The following KIAA1958 variants were observed in gnomAD, a reference collection of about 807,000 sequenced individuals.
KIAA1958 encodes the protein uncharacterized protein KIAA1958.
Under a neutral mutation model 47.2 loss-of-function variants are expected in KIAA1958, and 14 were observed. The ratio of observed to expected loss-of-function variants is 0.30; its 90% CI spans 0.20 to 0.46. KIAA1958 has a LOEUF of 0.46. Ranked by LOEUF, KIAA1958 falls within the 20% of genes least tolerant of loss-of-function variation. KIAA1958 has a pLI of 1.00. For missense variants in KIAA1958, 803 were observed against 909.2 expected (o/e 0.88, Z 1.50); for synonymous variants, 354 against 353.3 (o/e 1.00, Z -0.02).
At chr9:112,509,803 G>A (rs1352987934) in intron 1 of KIAA1958, among the ~76,000 whole-genome samples, 1 of 152,184 alleles carries the variant, frequency 6.6e-6, no homozygotes, top group Non-Finnish European at 1.5e-5. Flanking sequence ...AAGTGGAGGG[G>A]ATGAGGGTGA....
At chr9:112,643,400 C>T (rs1836925973) in intron 2 of KIAA1958, among the ~76,000 whole-genome samples, 1 of 152,154 alleles carries the variant, frequency 6.6e-6, no homozygotes, top group African/African-American at 2.4e-5. Context: ...AAAGGGATTG[C>T]TTATGGATTA....
chr9:112,571,182 T>C (rs1452901036), intron 1 of KIAA1958, among the ~76,000 whole-genome samples: 1 of 152,246 alleles, frequency 6.6e-6, no homozygotes, highest in African/African-American at 2.4e-5. Context: ...AATGCTTTAC[T>C]AGGTTTCTAA....
chr9:112,575,024 C>T lies in KIAA1958; in HGVS notation c.944C>T (p.Ser315Phe). ...QVAMQMPVST[S>F]HPNKQISIPL... ...GCCATGCAAATGCCTGTGAGCACAT[C>T]CCATCCTAACAAACAGATCAGTATC... The change falls in exon 2 of 4, where the codon TCC becomes TTC. Residue 315 changes from serine to phenylalanine, a missense_variant. Physicochemically the swap from Ser to Phe is radical, Grantham distance 155. Transcript: ENST00000337530. 6.2e-7 allele frequency: 1 copy of T among 1,614,144 alleles called. No individual in the cohort carries two copies.
rs949347540 is a variant in KIAA1958 at position 112,668,814 on chromosome 9, A to G, written c.*8745A>G. On this transcript the variant is annotated 3_prime_UTR_variant, in exon 4 of 4. Transcript: ENST00000337530. ...AGACAATCTCTTCTGGGTAGATTCC[A>G]AGTATAACCTGTCCCAGGGTCCTCT... 10 of 152,308 alleles carry G rather than the reference A, an allele frequency of 6.6e-5. No homozygotes were observed. Among genetic ancestry groups the G allele is most frequent in the Admixed American group, 5.9e-4 (9 of 15,308 alleles). The allele number at this position is 152,308 out of a possible 1,614,324, so 9.4% of individuals were successfully genotyped here. A position where few individuals can be genotyped will look rare whatever the true frequency, so the allele number is the denominator to read the frequency against.
At chr9:112,494,608 C>G (rs1316655799) in intron 1 of KIAA1958, among the ~76,000 whole-genome samples, 3 of 151,818 alleles carry the variant, frequency 2.0e-5, no homozygotes, top group Non-Finnish European at 2.9e-5. Context: ...GCTGGGACTA[C>G]AGATGTGCAT....
At chr9:112,650,485 A>C (rs1285851712) in intron 3 of KIAA1958, among the ~76,000 whole-genome samples, 1 of 152,170 alleles carries the variant, frequency 6.6e-6, no homozygotes, top group Non-Finnish European at 1.5e-5. Context: ...GGAGTGGTAT[A>C]GTATTTGAAG....
At chr9:112,568,857 C>A (rs1185780920) in intron 1 of KIAA1958, among the ~76,000 whole-genome samples, 1 of 142,710 alleles carries the variant, frequency 7.0e-6, no homozygotes. Flanking sequence ...CACTGCACTC[C>A]AGCCTGGGCA....
chr9:112,530,749 A>G (rs1241337017), intron 1 of KIAA1958, among the ~76,000 whole-genome samples: 1 of 152,204 alleles, frequency 6.6e-6, no homozygotes, highest in Non-Finnish European at 1.5e-5. Context: ...CTGAACGGAT[A>G]TCATTATGCT....
chr9:112,642,629 C>T (rs1023383691), intron 2 of KIAA1958, among the ~76,000 whole-genome samples: 46 of 152,300 alleles, frequency 3.0e-4, no homozygotes, highest in African/African-American at 1.0e-3. Context: ...ACCTTAAGCT[C>T]GGGGTTTGTC....
rs760263650 is a variant in KIAA1958, at chr9:112,567,814, C to T, written c.-24-6243C>T. 4.0e-5 allele frequency among the ~76,000 whole-genome samples: 6 copies of T among 151,712 alleles called. No individual in the cohort carries two copies. The East Asian group carries it at 5.8e-4, about 15-fold the overall frequency. ...ACTACTGAAAATACAAAAAGTTAGCCGGGCATGATGGCAGGTGCCTGTAGT... is the reference window on the plus strand; with the variant it reads ...ACTACTGAAAATACAAAAAGTTAGCTGGGCATGATGGCAGGTGCCTGTAGT... On this transcript the variant is annotated intron_variant, in intron 1 of 3. Transcript: ENST00000337530.
At chr9:112,623,577 A>G (rs1350325456) in intron 2 of KIAA1958, among the ~76,000 whole-genome samples, 1 of 152,226 alleles carries the variant, frequency 6.6e-6, no homozygotes, top group Non-Finnish European at 1.5e-5. Context: ...TGTTAGCACA[A>G]CATTATTTAG....
At chr9:112,488,175 T>G (rs932089786) in intron 1 of KIAA1958, among the ~76,000 whole-genome samples, 1 of 152,094 alleles carries the variant, frequency 6.6e-6, no homozygotes, top group African/African-American at 2.4e-5. Flanking sequence ...ATTTAAGATA[T>G]GAGATCTTTC....
intron 2 of KIAA1958, among the ~76,000 whole-genome samples, chr9:112,585,575 A>G (rs1052575806): frequency 6.6e-6 from 1 of 152,170 alleles, no homozygotes; most frequent in African/African-American, 2.4e-5. Context: ...CGCTGATAGT[A>G]TTGGGGAAGT....
intron 1 of KIAA1958, among the ~76,000 whole-genome samples, chr9:112,555,585 C>T (rs1835226092): frequency 6.6e-6 from 1 of 152,236 alleles, no homozygotes; most frequent in South Asian, 2.1e-4. Context: ...TCATTGCCTT[C>T]TGCTCCATGG....
In KIAA1958 at chr9:112,659,754, G is replaced by A. The variant is rs755607124; in HGVS notation, c.1836G>A (p.Val612=). 1.1e-5 allele frequency: 18 copies of A among 1,614,200 alleles called. No individual in the cohort carries two copies. The highest frequency in any genetic ancestry group is 2.2e-5 in the East Asian group (1 of 44,876). Residue 612 remains valine (V), a synonymous_variant, in exon 4 of 4, where the codon GTG becomes GTA. Transcript: ENST00000337530. The part of the protein sequence containing the change: ...KRESRSGSTR[V]CHGKIYHEHS... ...AGAGTCGGAGCGGCTCCACCAGAGT[G>A]TGTCACGGGAAGATCTACCATGAGC...
intron 2 of KIAA1958, among the ~76,000 whole-genome samples, chr9:112,576,210 C>G (rs1324320562): frequency 6.6e-6 from 1 of 152,110 alleles, no homozygotes; most frequent in Non-Finnish European, 1.5e-5. Context: ...CTTTAAGATT[C>G]CCAAAGAAGA....
At chr9:112,538,457 TAAAG>T (rs1834891380) in intron 1 of KIAA1958, among the ~76,000 whole-genome samples, 1 of 151,990 alleles carries the variant, frequency 6.6e-6, no homozygotes, top group South Asian at 2.1e-4. Flanking sequence ...TAGGTGAAAA[TAAAG>T]CAGAAATGAA....
intron 2 of KIAA1958, chr9:112,617,857 C>CCA (rs760383969): frequency 6.5e-7 from 1 of 1,537,892 alleles, no homozygotes; most frequent in South Asian, 1.2e-5. Context: ...CCCTCCCCCC[C>CCA]CAATTTGTTG....
At chr9:112,556,032 G>T (rs147932021) in intron 1 of KIAA1958, among the ~76,000 whole-genome samples, 1 of 152,080 alleles carries the variant, frequency 6.6e-6, no homozygotes, top group Non-Finnish European at 1.5e-5. Flanking sequence ...AGCCAAGATC[G>T]CACCATTGCA....
Sources: gnomAD v4.1 joint callset for allele counts (sites outside exome capture counted in the v4.1 genomes callset) on GRCh38, gnomAD v4.1.1 for gene constraint, MANE v1.5 for transcripts, NCBI Gene and HGNC (gene_info 2026-07-23, HGNC 2026-07-21) for gene names.